The following BCKDHB variants were observed in gnomAD, a reference collection of about 807,000 sequenced individuals.
The protein encoded by BCKDHB is branched chain keto acid dehydrogenase E1 subunit beta, also known as 2-oxoisovalerate dehydrogenase subunit beta, mitochondrial.
A neutral mutation model predicts 48.5 loss-of-function variants in BCKDHB; 41 were observed. That is an observed-to-expected ratio of 0.85 (90% CI 0.66 to 1.10). The LOEUF (loss-of-function observed/expected upper bound fraction) is 1.10, where lower values mean the gene tolerates loss of function less well. BCKDHB is among the 50% of genes least tolerant of loss of function. The pLI is 0.00. For synonymous variants in BCKDHB, 201 were observed against 174.8 expected (o/e 1.15, Z -1.18); for missense variants, 496 against 494.2 (o/e 1.00, Z -0.03).
chr6:80,211,316 C>CT (rs1455962906), intron 8 of BCKDHB, among the ~76,000 whole-genome samples: 1 of 152,062 alleles, frequency 6.6e-6, no homozygotes, highest in Non-Finnish European at 1.5e-5. Context: ...TTTAATTTAT[C>CT]TTTTTCTGGT....
chr6:80,284,818 C>G (rs886964699), intron 9 of BCKDHB, among the ~76,000 whole-genome samples: 1 of 152,074 alleles, frequency 6.6e-6, no homozygotes, highest in African/African-American at 2.4e-5. Flanking sequence ...TTAGTTTGCT[C>G]TCTTAATTGT....
chr6:80,403,516 A>T, the BCKDHB span, among the ~76,000 whole-genome samples: 4 of 151,912 alleles, frequency 2.6e-5, no homozygotes, highest in East Asian at 3.8e-4. Context: ...AGATCATGTC[A>T]TCTACAAACA....
At position 80,229,773 on chromosome 6, in the gene BCKDHB, C is replaced by T. The variant is rs181087506; in HGVS notation, c.951+26561C>T. ...CTGTTTATAAAATCTATAGGTTTTC[C>T]TCATATTATTAGTAAGAAATAGCCA... On this transcript the variant is annotated intron_variant, in intron 8 of 9. Coordinates refer to ENST00000320393, the MANE Select transcript of BCKDHB (RefSeq NM_183050.4). Among the ~76,000 whole-genome samples, 414 of 151,814 alleles carry T rather than the reference C, an allele frequency of 2.7e-3. 2 individuals carry two copies. Among genetic ancestry groups the T allele is most frequent in the African/African-American group, 9.2e-3 (381 of 41,428 alleles).
chr6:80,421,378 G>A, the BCKDHB span, among the ~76,000 whole-genome samples: 5,550 of 152,238 alleles, frequency 0.036, 352 homozygotes, highest in African/African-American at 0.13. Context: ...TTATAGGATT[G>A]TGGAAACAGA....
intron 6 of BCKDHB, among the ~76,000 whole-genome samples, chr6:80,192,066 G>T (rs556576937): frequency 6.6e-6 from 1 of 152,012 alleles, no homozygotes; most frequent in Non-Finnish European, 1.5e-5. Flanking sequence ...AACTTATTTT[G>T]CTTATGTTTT....
At chr6:80,191,211 C>T (rs1003736988) in intron 6 of BCKDHB, among the ~76,000 whole-genome samples, 2 of 152,146 alleles carry the variant, frequency 1.3e-5, no homozygotes, top group African/African-American at 4.8e-5. Flanking sequence ...CAACAGTTGT[C>T]ATTTAATGTT....
At chr6:80,381,656 G>A in the BCKDHB span, among the ~76,000 whole-genome samples, 3 of 151,940 alleles carry the variant, frequency 2.0e-5, no homozygotes, top group Non-Finnish European at 2.9e-5. Context: ...TATGCTTCTT[G>A]TGGTTATGTT....
At chr6:80,346,821 C>A (rs778014050), downstream of BCKDHB, among the ~76,000 whole-genome samples, 20 of 152,078 alleles carry the variant, frequency 1.3e-4, no homozygotes, top group African/African-American at 3.1e-4. Flanking sequence ...TTTAGACAAG[C>A]CTTAGCCTTT....
intron 9 of BCKDHB, among the ~76,000 whole-genome samples, chr6:80,278,817 A>G (rs912814728): frequency 4.6e-5 from 7 of 151,916 alleles, no homozygotes; most frequent in African/African-American, 1.7e-4. Context: ...TCGGCCTCCC[A>G]AAGTGCCTTT....
intron 3 of BCKDHB, among the ~76,000 whole-genome samples, chr6:80,140,307 C>T (rs1430528527): frequency 6.6e-6 from 1 of 152,176 alleles, no homozygotes; most frequent in Admixed American, 6.6e-5. Flanking sequence ...CCTTCTCCTG[C>T]CTAATTGCCC....
chr6:80,307,260 TATTTGTAA>T (rs780939393), intron 9 of BCKDHB, among the ~76,000 whole-genome samples: 34 of 152,188 alleles, frequency 2.2e-4, no homozygotes, highest in Non-Finnish European at 4.3e-4. Context: ...CTCAATTCCT[TATTTGTAA>T]ACTGAGGATG....
At chr6:80,295,194 G>A (rs1349552268) in intron 9 of BCKDHB, among the ~76,000 whole-genome samples, 1 of 152,058 alleles carries the variant, frequency 6.6e-6, no homozygotes, top group South Asian at 2.1e-4. Flanking sequence ...GGGTTCCCTC[G>A]ATATACTGGT....
chr6:80,463,255 T>C, the BCKDHB span: 1 of 152,202 alleles, frequency 6.6e-6, no homozygotes, highest in Non-Finnish European at 1.5e-5. Context: ...TTCTTTTTGG[T>C]AAGTATTGAA....
chr6:80,339,207 A>G (rs3828746), intron 9 of BCKDHB, among the ~76,000 whole-genome samples: 117,621 of 151,696 alleles, frequency 0.78, 45,974 homozygotes, highest in Admixed American at 0.84. Context: ...TTATGGACAC[A>G]TAATATGTAA....
chr6:80,215,619 A>G (rs1733594003), intron 8 of BCKDHB, among the ~76,000 whole-genome samples: 1 of 152,260 alleles, frequency 6.6e-6, no homozygotes, highest in Admixed American at 6.5e-5. Context: ...TAAATCCTCT[A>G]GGAAGAAAAT....
the BCKDHB span, among the ~76,000 whole-genome samples, chr6:80,445,344 C>A: frequency 0.011 from 1,734 of 152,082 alleles, 34 homozygotes; most frequent in African/African-American, 0.037. Context: ...TATATCAAAC[C>A]ATTGCTTCAG....
At chr6:80,240,848 C>T (rs1242860962) in intron 8 of BCKDHB, among the ~76,000 whole-genome samples, 1 of 152,164 alleles carries the variant, frequency 6.6e-6, no homozygotes, top group Non-Finnish European at 1.5e-5. Flanking sequence ...AGAGTGTTTT[C>T]CAGCTTGGTT....
At chr6:80,423,629 C>T in the BCKDHB span, among the ~76,000 whole-genome samples, 1 of 152,190 alleles carries the variant, frequency 6.6e-6, no homozygotes, top group Non-Finnish European at 1.5e-5. Flanking sequence ...TTGAATTAGT[C>T]ACCAATTACT....
chr6:80,303,680 A>T (rs1196971015), intron 9 of BCKDHB, among the ~76,000 whole-genome samples: 1 of 152,050 alleles, frequency 6.6e-6, no homozygotes, highest in African/African-American at 2.4e-5. Context: ...CTGCTTCAGC[A>T]ACTCATCATT....
Sources: allele counts gnomAD v4.1 joint callset (sites outside exome capture counted in the v4.1 genomes callset), GRCh38; gene constraint gnomAD v4.1.1; transcripts MANE v1.5; gene names NCBI Gene and HGNC (gene_info 2026-07-23, HGNC 2026-07-21).